Variants in CAMKMT observed in about 807,000 individuals in gnomAD.
The protein encoded by CAMKMT is calmodulin-lysine N-methyltransferase.
CAMKMT carries 53 observed loss-of-function variants against 48.0 expected under a neutral mutation model. The ratio of observed to expected loss-of-function variants is 1.10; its 90% CI spans 0.89 to 1.39. The LOEUF is 1.39. Among genes scored for constraint, CAMKMT ranks in the 40% most tolerant of loss-of-function variants. CAMKMT has a pLI of 0.00. For synonymous variants in CAMKMT, 165 were observed against 152.3 expected (o/e 1.08, Z -0.61); for missense variants, 428 against 402.7 (o/e 1.06, Z -0.54).
intron 3 of CAMKMT, among the ~76,000 whole-genome samples, chr2:44,569,976 C>T (rs987918837): frequency 3.3e-5 from 5 of 151,934 alleles, no homozygotes; most frequent in African/African-American, 9.7e-5. Context: ...ATTCCTTTAT[C>T]GGATATTAAC....
At chr2:44,705,560 G>C (rs1030503789) in intron 4 of CAMKMT, 27 of 982,264 alleles carry the variant, frequency 2.7e-5, no homozygotes, top group Non-Finnish European at 3.3e-5. Flanking sequence ...TGCCACCCTA[G>C]ACTGTCAGCT....
chr2:44,635,339 T>G (rs566044093), intron 3 of CAMKMT, among the ~76,000 whole-genome samples: 1 of 152,278 alleles, frequency 6.6e-6, no homozygotes, highest in East Asian at 1.9e-4. Flanking sequence ...GCCTCCAAAG[T>G]TTTCTGACTA....
intron 3 of CAMKMT, among the ~76,000 whole-genome samples, chr2:44,477,314 C>A (rs953015132): frequency 3.3e-5 from 5 of 151,964 alleles, no homozygotes; most frequent in African/African-American, 1.2e-4. Context: ...GTGTACCCAC[C>A]CTGAGAACCA....
chr2:44,491,014 A>C (rs1420059927), intron 3 of CAMKMT, among the ~76,000 whole-genome samples: 1 of 152,006 alleles, frequency 6.6e-6, no homozygotes, highest in Non-Finnish European at 1.5e-5. Context: ...TTAGCTGGGC[A>C]TGGTGGCATG....
intron 3 of CAMKMT, among the ~76,000 whole-genome samples, chr2:44,487,820 G>C (rs962905288): frequency 7.9e-5 from 12 of 152,368 alleles, no homozygotes; most frequent in Middle Eastern, 3.4e-3. Flanking sequence ...CCACTAGTTT[G>C]AGTTGTCACC....
chr2:44,670,735 G>A (rs531417270), intron 3 of CAMKMT, among the ~76,000 whole-genome samples: 8 of 152,234 alleles, frequency 5.3e-5, no homozygotes, highest in South Asian at 2.1e-4. Context: ...TTTCTGATTC[G>A]GTAGGTCTGG....
intron 3 of CAMKMT, among the ~76,000 whole-genome samples, chr2:44,666,931 C>T (rs756860797): frequency 2.6e-5 from 4 of 152,120 alleles, no homozygotes; most frequent in Non-Finnish European, 4.4e-5. Context: ...GTTAAGAATC[C>T]ATACAGGAGG....
chr2:44,405,807 G>C (rs530837654), intron 3 of CAMKMT, among the ~76,000 whole-genome samples: 4 of 152,134 alleles, frequency 2.6e-5, no homozygotes, highest in Admixed American at 2.6e-4. Flanking sequence ...TAAATGGATT[G>C]ATAGCTCATG....
chr2:44,741,789 C>T (rs936221697), intron 7 of CAMKMT, among the ~76,000 whole-genome samples: 3 of 152,186 alleles, frequency 2.0e-5, no homozygotes, highest in African/African-American at 4.8e-5. Flanking sequence ...TGCTTAGACC[C>T]CTATCTCTCC....
chr2:44,753,249 C>CAAAAAAA (rs772390371), intron 8 of CAMKMT, among the ~76,000 whole-genome samples: 6 of 65,438 alleles, frequency 9.2e-5, no homozygotes, highest in Non-Finnish European at 1.2e-4. Context: ...CCTGTCCCTA[C>CAAAAAAA]AAAAAAAAAA....
intron 8 of CAMKMT, among the ~76,000 whole-genome samples, chr2:44,750,498 A>T (rs1324990706): frequency 2.0e-5 from 3 of 152,220 alleles, no homozygotes; most frequent in African/African-American, 7.2e-5. Context: ...GTCAATTTTT[A>T]TTAAGTAGAA....
intron 3 of CAMKMT, among the ~76,000 whole-genome samples, chr2:44,488,309 T>C (rs1481471887): frequency 6.6e-6 from 1 of 152,094 alleles, no homozygotes; most frequent in Non-Finnish European, 1.5e-5. Context: ...GACACCAGCC[T>C]GACCAACATG....
chr2:44,645,010 TC>T (rs1226896746), intron 3 of CAMKMT, among the ~76,000 whole-genome samples: 3 of 152,220 alleles, frequency 2.0e-5, no homozygotes, highest in Non-Finnish European at 4.4e-5. Flanking sequence ...TAACATTATT[TC>T]CCCATCGATA....
intron 3 of CAMKMT, among the ~76,000 whole-genome samples, chr2:44,527,966 G>A (rs2104818693): frequency 6.6e-6 from 1 of 152,194 alleles, no homozygotes; most frequent in Non-Finnish European, 1.5e-5. Context: ...GTATCATAGA[G>A]AATAGTTTCA....
In CAMKMT at chr2:44,556,450, CTTTTTTTTTTTTTT is replaced by C. The variant is rs1176467214; in HGVS notation, c.377-147816_377-147803del. ...CACCGTGTCCAGCCAATTTTTCTTT[CTTTTTTTTTTTTTT>C]TTTTTTTTTTTTTTTTGAGACGGAG... is the stretch of plus-strand genomic sequence containing the variant. On this transcript the variant is annotated intron_variant, in intron 3 of 10. Transcript: ENST00000378494. Among the ~76,000 whole-genome samples the C allele has an allele frequency of 6.0e-5, 3 of 50,278 alleles. 1 individual carries two copies. The highest frequency in any genetic ancestry group is 2.7e-4 in the African/African-American group (3 of 10,934). 33.0% of individuals were successfully genotyped at this position (50,278 alleles called of 152,430 possible).
intron 3 of CAMKMT, among the ~76,000 whole-genome samples, chr2:44,502,546 T>A (rs1670057358): frequency 6.6e-6 from 1 of 152,242 alleles, no homozygotes; most frequent in African/African-American, 2.4e-5. Context: ...CTTGATAATG[T>A]CTTGCCTTGA....
chr2:44,488,224 C>T (rs936605149), intron 3 of CAMKMT, among the ~76,000 whole-genome samples: 7 of 152,124 alleles, frequency 4.6e-5, no homozygotes, highest in Admixed American at 2.0e-4. Flanking sequence ...GTTGGCCGGG[C>T]GCGGTGGCTC....
At chr2:44,666,017 C>T (rs1674946718) in intron 3 of CAMKMT, among the ~76,000 whole-genome samples, 1 of 152,162 alleles carries the variant, frequency 6.6e-6, no homozygotes, top group East Asian at 1.9e-4. Flanking sequence ...AAGAAATAGG[C>T]AAGCCATGTG....
intron 3 of CAMKMT, among the ~76,000 whole-genome samples, chr2:44,677,707 TAAA>T (rs70937929): frequency 6.8e-6 from 1 of 147,500 alleles, no homozygotes; most frequent in East Asian, 2.0e-4. Context: ...AGACTCCGTC[TAAA>T]AAAAAAAAAA....
Sources: allele counts gnomAD v4.1 joint callset (sites outside exome capture counted in the v4.1 genomes callset), GRCh38; gene constraint gnomAD v4.1.1; transcripts MANE v1.5; gene names NCBI Gene and HGNC (gene_info 2026-07-23, HGNC 2026-07-21).